NAA50: variants seen among roughly 807,000 people sequenced by gnomAD.
NAA50 encodes N-alpha-acetyltransferase 50.
In NAA50, 7 loss-of-function variants were observed where a neutral mutation model predicts 20.7. The observed-to-expected ratio is 0.34, with a 90% CI of 0.19 to 0.63. The LOEUF (loss-of-function observed/expected upper bound fraction) is 0.63. Among genes scored for constraint, NAA50 ranks in the 30% least tolerant of loss-of-function variants. The pLI is 0.75. For synonymous variants in NAA50, 54 were observed against 70.6 expected, an observed-to-expected ratio of 0.77 and a Z score of 1.18; for missense variants, 111 against 199.1, an observed-to-expected ratio of 0.56 and a Z score of 2.66.
chr3:113,723,807 T>C lies in NAA50; in HGVS notation c.145+152A>G, dbSNP rs151221161. 4.4e-5 allele frequency: 40 copies of C among 911,084 alleles called. No homozygotes were observed. The African/African-American group carries it at 5.0e-4, about 11-fold the overall frequency. The allele number at this position is 911,084 out of a possible 1,614,324, so 56.4% of individuals were successfully genotyped here. ...AACTGTTTTATTCAACTGATTTCTC[T>C]GAGATTTTTCTCACAACCTAGACCA... On this transcript the variant is annotated intron_variant, in intron 2 of 4. Coordinates refer to ENST00000240922, the MANE Select transcript of NAA50 (RefSeq NM_025146.4).
intron 1 of NAA50, among the ~76,000 whole-genome samples, chr3:113,729,233 G>A (rs1577069204): frequency 6.6e-6 from 1 of 152,084 alleles, no homozygotes; most frequent in South Asian, 2.1e-4. Flanking sequence ...TGATAGGCTC[G>A]CCCACCCTGG....
At chr3:113,729,488 G>A (rs542396906) in intron 1 of NAA50, among the ~76,000 whole-genome samples, 146 of 151,584 alleles carry the variant, frequency 9.6e-4, no homozygotes, top group African/African-American at 3.2e-3. Flanking sequence ...CCTTTTTGCT[G>A]GCAATACTCC....
At chr3:113,738,398 G>A (rs1224672860) in intron 1 of NAA50, among the ~76,000 whole-genome samples, 1 of 152,212 alleles carries the variant, frequency 6.6e-6, no homozygotes, top group Non-Finnish European at 1.5e-5. Flanking sequence ...AAAAGAGACA[G>A]CATCACTTTC....
Position 113,744,019 on chromosome 3 carries a change from T to C in NAA50, c.8+1923A>G, listed in dbSNP as rs1368221184. On this transcript the variant is annotated intron_variant, in intron 1 of 4. Transcript: ENST00000240922. ...TTTGGATCTAAACATACAGAATAAT[T>C]TCCTGGCAACCCCTTCGTAAATCCA... Among the ~76,000 whole-genome samples the C allele has an allele frequency of 5.3e-5, 8 of 152,172 alleles. No individual in the cohort carries two copies. In the East Asian group the frequency reaches 1.3e-3, roughly 26 times the overall value.
intron 1 of NAA50, among the ~76,000 whole-genome samples, chr3:113,726,966 A>AT (rs1312651801): frequency 1.3e-5 from 2 of 152,058 alleles, no homozygotes; most frequent in Non-Finnish European, 2.9e-5. Context: ...TGATTTTTGA[A>AT]TTTTTTGTAG....
At chr3:113,733,836 G>C (rs866799913) in intron 1 of NAA50, among the ~76,000 whole-genome samples, 3 of 109,816 alleles carry the variant, frequency 2.7e-5, no homozygotes, top group South Asian at 6.2e-4. Context: ...CTGGGTGACA[G>C]AGCAAGACTC....
intron 1 of NAA50, among the ~76,000 whole-genome samples, chr3:113,731,259 A>G (rs1310833797): frequency 6.6e-6 from 1 of 152,140 alleles, no homozygotes; most frequent in East Asian, 1.9e-4. Context: ...AAGAATTTTT[A>G]CCAGTCTATG....
intron 1 of NAA50, 125 bp from the exon 2 acceptor site, chr3:113,724,220 T>C (rs1708173308): frequency 1.9e-6 from 2 of 1,064,182 alleles, no homozygotes; most frequent in Admixed American, 3.3e-5. Context: ...AGTTGATTTA[T>C]AAGCAAATTA....
Position 113,724,150 on chromosome 3 carries a change from T to C in NAA50, c.9-55A>G, listed in dbSNP as rs1708172068. ...ACATAATTAGCCCCATTTGTTAATATGAACATATGAAAGGGGTACCAAGTC... is the reference window on the plus strand; with the variant it reads ...ACATAATTAGCCCCATTTGTTAATACGAACATATGAAAGGGGTACCAAGTC... On this transcript the variant is annotated intron_variant, in intron 1 of 4. Transcript: ENST00000240922. 7 of 1,410,026 alleles carry C rather than the reference T, an allele frequency of 5.0e-6. No individual in the cohort carries two copies. The South Asian group carries it at 9.6e-5, about 19-fold the overall frequency. 87.3% of individuals were successfully genotyped at this position (1,410,026 alleles called of 1,614,324 possible).
chr3:113,729,940 G>A (rs950302511), intron 1 of NAA50, among the ~76,000 whole-genome samples: 5 of 151,988 alleles, frequency 3.3e-5, no homozygotes, highest in African/African-American at 1.2e-4. Context: ...TATATTTAAA[G>A]TGTGTGTAAA....
At chr3:113,731,027 T>C (rs1489652799) in intron 1 of NAA50, among the ~76,000 whole-genome samples, 1 of 152,226 alleles carries the variant, frequency 6.6e-6, no homozygotes, top group Non-Finnish European at 1.5e-5. Context: ...TTTTAAAATT[T>C]ATGCTAACAG....
At chr3:113,727,421 T>G (rs545489031) in intron 1 of NAA50, among the ~76,000 whole-genome samples, 47 of 152,266 alleles carry the variant, frequency 3.1e-4, no homozygotes, top group Admixed American at 9.8e-4. Context: ...TACTTACAGT[T>G]TTCAAAGAAT....
intron 1 of NAA50, among the ~76,000 whole-genome samples, chr3:113,736,954 T>C (rs1259451103): frequency 2.0e-5 from 3 of 152,250 alleles, no homozygotes; most frequent in South Asian, 2.1e-4. Context: ...TGTTCATTTG[T>C]TGTGCAGAGT....
chr3:113,727,631 C>CTT (rs748920211), intron 1 of NAA50, among the ~76,000 whole-genome samples: 3 of 143,382 alleles, frequency 2.1e-5, no homozygotes, highest in Admixed American at 1.4e-4. Flanking sequence ...AAATACATGC[C>CTT]TTTTTTTTTT....
rs1559736116 is a variant in NAA50, at chr3:113,720,245, T to C, written c.*1515A>G. On this transcript the variant is annotated 3_prime_UTR_variant, in exon 5 of 5. Transcript: ENST00000240922. ...AACATTTTATAAAATAATTTTGTCATTTAACATATTTGGAAATGAGACTTT... is the reference window on the plus strand; with the variant it reads ...AACATTTTATAAAATAATTTTGTCACTTAACATATTTGGAAATGAGACTTT... 1 of 152,586 alleles carries C rather than the reference T, an allele frequency of 6.6e-6. No individual in the cohort carries two copies. Among genetic ancestry groups the C allele is most frequent in the East Asian group, 1.9e-4 (1 of 5,188 alleles). The allele number at this position is 152,586 out of a possible 1,614,324, so 9.5% of individuals were successfully genotyped here.
chr3:113,728,182 TAA>T (rs1197605304), intron 1 of NAA50, among the ~76,000 whole-genome samples: 1 of 151,944 alleles, frequency 6.6e-6, no homozygotes, highest in Admixed American at 6.6e-5. Context: ...GAATAACCTA[TAA>T]AAAATTAAGT....
At chr3:113,724,387 T>C (rs1365922264) in intron 1 of NAA50, among the ~76,000 whole-genome samples, 2 of 152,212 alleles carry the variant, frequency 1.3e-5, no homozygotes, top group Non-Finnish European at 2.9e-5. Flanking sequence ...TAGTTCATAG[T>C]TCAGAAAAAT....
chr3:113,737,112 A>T (rs1708354106), intron 1 of NAA50, among the ~76,000 whole-genome samples: 1 of 152,214 alleles, frequency 6.6e-6, no homozygotes. Context: ...GTAGCACAAG[A>T]TCAGTCACAA....
At chr3:113,744,922 T>C (rs1034820962) in intron 1 of NAA50, among the ~76,000 whole-genome samples, 1 of 152,218 alleles carries the variant, frequency 6.6e-6, no homozygotes, top group African/African-American at 2.4e-5. Flanking sequence ...AAAAGTGCTA[T>C]TGAATAGTTG....
Sources: gnomAD v4.1 joint callset for allele counts (sites outside exome capture counted in the v4.1 genomes callset) on GRCh38, gnomAD v4.1.1 for gene constraint, MANE v1.5 for transcripts, NCBI Gene and HGNC (gene_info 2026-07-23, HGNC 2026-07-21) for gene names.